The following CECR2 variants were observed in gnomAD, a reference collection of about 807,000 sequenced individuals.
CECR2 encodes the protein chromatin remodeling regulator CECR2.
CECR2 carries 30 observed loss-of-function variants against 154.5 expected under a neutral mutation model. That is an observed-to-expected ratio of 0.19 (90% CI 0.15 to 0.26). The LOEUF is 0.26. Ranked by LOEUF, CECR2 falls within the 10% of genes least tolerant of loss-of-function variation. CECR2 has a pLI of 1.00. For synonymous variants in CECR2, 725 were observed against 683.7 expected, an observed-to-expected ratio of 1.06 and a Z score of -0.94; for missense variants, 1,743 against 1,829.3, an observed-to-expected ratio of 0.95 and a Z score of 0.86.
chr22:17,498,552 A>G (rs570890893), intron 3 of CECR2, among the ~76,000 whole-genome samples: 2 of 152,238 alleles, frequency 1.3e-5, no homozygotes, highest in East Asian at 1.9e-4. Context: ...ATCATTGTGT[A>G]ATTTAGCACG....
At chr22:17,439,408 C>G (rs2054552285) in intron 1 of CECR2, among the ~76,000 whole-genome samples, 1 of 151,822 alleles carries the variant, frequency 6.6e-6, no homozygotes, top group South Asian at 2.1e-4. Flanking sequence ...CATGGACAAG[C>G]AACAGATTTA....
At chr22:17,461,430 A>G (rs2054936019) in intron 1 of CECR2, among the ~76,000 whole-genome samples, 1 of 152,224 alleles carries the variant, frequency 6.6e-6, no homozygotes, top group Non-Finnish European at 1.5e-5. Flanking sequence ...GCAGAAAAAT[A>G]GATACAACAA....
intron 1 of CECR2, among the ~76,000 whole-genome samples, chr22:17,404,240 C>T (rs1159636258): frequency 1.5e-5 from 2 of 132,734 alleles, no homozygotes; most frequent in African/African-American, 5.7e-5. Flanking sequence ...GCCTGGATGA[C>T]AGTGCGAGAC....
chr22:17,406,446 C>T (rs957715571), intron 1 of CECR2, among the ~76,000 whole-genome samples: 2 of 152,172 alleles, frequency 1.3e-5, no homozygotes, highest in African/African-American at 4.8e-5. Context: ...TCACTTGAAC[C>T]CAGGAGGCGG....
At chr22:17,446,781 G>T (rs1601372328) in intron 1 of CECR2, among the ~76,000 whole-genome samples, 2 of 152,230 alleles carry the variant, frequency 1.3e-5, no homozygotes, top group Admixed American at 1.3e-4. Flanking sequence ...GATTTATTAT[G>T]AAGACCGAAA....
At chr22:17,471,936 A>C (rs937598880) in intron 1 of CECR2, among the ~76,000 whole-genome samples, 2 of 152,194 alleles carry the variant, frequency 1.3e-5, no homozygotes, top group Non-Finnish European at 2.9e-5. Context: ...AGAAAACCCT[A>C]TTCTAGATTT....
In CECR2 at chr22:17,540,632, T is replaced by G. The variant is rs770216722; in HGVS notation, c.1716T>G (p.Asn572Lys). The change falls in exon 14 of 19, where the codon AAT becomes AAG. Residue 572 changes from asparagine to lysine, a missense_variant. Asn to Lys is a moderately conservative substitution (Grantham distance 94, BLOSUM62 0). This residue lies in a region of CECR2 where 1,250 missense variants were observed against 1,192.1 expected (regional missense o/e 1.05). Transcript: ENST00000262608. ...GSSRKQQPME[N>K]GGKSLPPTRR... ...GCAGGAAACAGCAGCCCATGGAGAATGGAGGAAAGTCGTTGCCCCCCACAC... is the reference window on the plus strand; with the variant it reads ...GCAGGAAACAGCAGCCCATGGAGAAGGGAGGAAAGTCGTTGCCCCCCACAC... The G allele has an allele frequency of 3.1e-6, 5 of 1,613,816 alleles. No individual in the cohort carries two copies. Among genetic ancestry groups the G allele is most frequent in the Non-Finnish European group, 4.2e-6 (5 of 1,179,842 alleles).
chr22:17,380,877 C>G (rs1469775554), intron 1 of CECR2, among the ~76,000 whole-genome samples: 1 of 152,202 alleles, frequency 6.6e-6, no homozygotes, highest in Non-Finnish European at 1.5e-5. Context: ...CCTGAGTGTT[C>G]ATTGTCTCAG....
chr22:17,523,629 G>T (rs1474378321), intron 8 of CECR2, among the ~76,000 whole-genome samples: 1 of 151,300 alleles, frequency 6.6e-6, no homozygotes, highest in Non-Finnish European at 1.5e-5. Flanking sequence ...GGTGGCAGGC[G>T]CCTGTAGTTC....
chr22:17,546,288 T>G (rs1313268782), intron 16 of CECR2, among the ~76,000 whole-genome samples: 1 of 151,382 alleles, frequency 6.6e-6, no homozygotes, highest in Non-Finnish European at 1.5e-5. Context: ...GAAATCGAGA[T>G]CATCCTGGCT....
chr22:17,451,708 T>C (rs1394982181), intron 1 of CECR2, among the ~76,000 whole-genome samples: 2 of 152,188 alleles, frequency 1.3e-5, no homozygotes, highest in African/African-American at 4.8e-5. Flanking sequence ...AAATTAAATA[T>C]CATTGCAGCA....
chr22:17,552,302 G>A (rs2056720830), intron 18 of CECR2, among the ~76,000 whole-genome samples, 160 bp downstream of exon 18: 1 of 152,166 alleles, frequency 6.6e-6, no homozygotes, highest in Admixed American at 6.6e-5. Flanking sequence ...AAGAGCAAGA[G>A]GCCTCGGAAG....
intron 1 of CECR2, among the ~76,000 whole-genome samples, chr22:17,425,559 A>T (rs1342738919): frequency 6.6e-6 from 1 of 152,194 alleles, no homozygotes; most frequent in African/African-American, 2.4e-5. Flanking sequence ...GAGCAAATAC[A>T]TCTAAATGAG....
intron 1 of CECR2, among the ~76,000 whole-genome samples, chr22:17,396,607 T>G (rs1276363980): frequency 1.3e-5 from 2 of 152,196 alleles, no homozygotes; most frequent in Non-Finnish European, 2.9e-5. Flanking sequence ...AAACTGAACA[T>G]ATAAAATGGG....
At chr22:17,365,273 G>A (rs569814964), upstream of CECR2, among the ~76,000 whole-genome samples, 10 of 152,208 alleles carry the variant, frequency 6.6e-5, no homozygotes, top group Non-Finnish European at 1.0e-4. Context: ...GGTTAACGAC[G>A]GTTATGAAGA....
chr22:17,473,558 G>T (rs1460633707), intron 1 of CECR2, among the ~76,000 whole-genome samples: 1 of 150,898 alleles, frequency 6.6e-6, no homozygotes, highest in African/African-American at 2.4e-5. Flanking sequence ...AGAAACCTCC[G>T]AATTTTGAAA....
intron 1 of CECR2, among the ~76,000 whole-genome samples, chr22:17,423,723 C>T (rs1432256698): frequency 1.3e-5 from 2 of 152,164 alleles, no homozygotes; most frequent in Admixed American, 6.5e-5. Context: ...CACCCTGAGG[C>T]ACTGGTTCCC....
intron 17 of CECR2, among the ~76,000 whole-genome samples, chr22:17,551,158 C>T (rs1309763967): frequency 6.6e-6 from 1 of 152,140 alleles, no homozygotes; most frequent in Admixed American, 6.5e-5. Flanking sequence ...CATCATGGCC[C>T]TTAACCCCTC....
chr22:17,489,217 G>T (rs905477410), intron 2 of CECR2, among the ~76,000 whole-genome samples: 15 of 152,244 alleles, frequency 9.9e-5, no homozygotes, highest in African/African-American at 3.6e-4. Context: ...ACAGGCATGA[G>T]CCACCTCGCC....
Sources: allele counts gnomAD v4.1 joint callset (sites outside exome capture counted in the v4.1 genomes callset), GRCh38; gene constraint gnomAD v4.1.1; regional missense constraint gnomAD v4.1.1; transcripts MANE v1.5; gene names NCBI Gene and HGNC (gene_info 2026-07-23, HGNC 2026-07-21).